PARP16: variants seen among roughly 807,000 people sequenced by gnomAD.
PARP16 encodes the protein poly(ADP-ribose) polymerase family member 16.
In PARP16, 31 loss-of-function variants were observed where a neutral mutation model predicts 35.0. The observed-to-expected ratio is 0.88, with a 90% confidence interval of 0.66 to 1.19. PARP16 has a LOEUF of 1.19. PARP16 is among the 50% of genes most tolerant of loss of function. PARP16 has a pLI of 0.00. For missense variants in PARP16, 424 were observed against 411.2 expected (o/e 1.03, Z -0.27); for synonymous variants, 162 against 169.5 (o/e 0.96, Z 0.34).
intron 2 of PARP16, among the ~76,000 whole-genome samples, chr15:65,251,752 G>GT (rs928535269): frequency 2.4e-4 from 36 of 149,074 alleles, no homozygotes; most frequent in African/African-American, 3.4e-4. Flanking sequence ...ACATGCCTAG[G>GT]TTTTTTTTTT....
intron 1 of PARP16, among the ~76,000 whole-genome samples, chr15:65,278,635 G>A (rs1415674532): frequency 6.6e-6 from 1 of 152,144 alleles, no homozygotes; most frequent in African/African-American, 2.4e-5. Context: ...ACAAGCTCCT[G>A]GGGAGGAGGT....
intron 1 of PARP16, among the ~76,000 whole-genome samples, chr15:65,279,090 A>AGGGTTCTCCTAGGAAGTAG (rs1269851117): frequency 6.6e-6 from 1 of 152,202 alleles, no homozygotes; most frequent in South Asian, 2.1e-4. Flanking sequence ...GGGACCCTAA[A>AGGGTTCTCCTAGGAAGTAG]GGGTTCTCCT....
intron 3 of PARP16, among the ~76,000 whole-genome samples, chr15:65,246,292 T>C (rs1435584611): frequency 6.6e-6 from 1 of 152,136 alleles, no homozygotes; most frequent in Non-Finnish European, 1.5e-5. Flanking sequence ...CCAGCAACCC[T>C]GGCTGAGAGG....
chr15:65,278,191 CTG>C (rs1051081760), intron 1 of PARP16, among the ~76,000 whole-genome samples: 25 of 152,194 alleles, frequency 1.6e-4, no homozygotes, highest in African/African-American at 5.3e-4. Flanking sequence ...GTTGTGAAGA[CTG>C]TGTTGAACTG....
chr15:65,282,275 C>T (rs937984329), intron 1 of PARP16, among the ~76,000 whole-genome samples: 22 of 152,324 alleles, frequency 1.4e-4, no homozygotes, highest in African/African-American at 5.1e-4. Flanking sequence ...TCCCAGAGGG[C>T]TGGGATTACA....
intron 2 of PARP16, among the ~76,000 whole-genome samples, chr15:65,251,084 A>C (rs546117421): frequency 1.3e-5 from 2 of 151,942 alleles, no homozygotes; most frequent in Non-Finnish European, 2.9e-5. Flanking sequence ...GGGTTTCACC[A>C]TGTTGGCCAG....
chr15:65,260,981 T>A lies in PARP16; in HGVS notation c.737A>T (p.Glu246Val). The change falls in exon 5 of 6, where the codon GAA becomes GTA. Residue 246 changes from glutamate to valine, a missense_variant. Glu to Val is a moderately radical substitution (Grantham distance 121). Transcript: ENST00000649807. ...GTACTTGGGAGGGATGTCTCCCCCT[T>A]CACTATGTTTGATTCTCGCTCGTCT... ...DRRRARIKHS[E>V]GGDIPPKYFV... 1 of 1,613,884 alleles carries A rather than the reference T, an allele frequency of 6.2e-7. No individual in the cohort carries two copies. The highest frequency in any genetic ancestry group is 8.5e-7 in the Non-Finnish European group (1 of 1,179,838).
chr15:65,253,975 A>G (rs1370552897), downstream of PARP16, among the ~76,000 whole-genome samples: 3 of 151,060 alleles, frequency 2.0e-5, no homozygotes, highest in South Asian at 2.1e-4. Context: ...ACACCACCAC[A>G]CCCGGCTAAT....
downstream of PARP16, among the ~76,000 whole-genome samples, chr15:65,232,065 C>G (rs981118199): frequency 6.6e-6 from 1 of 152,182 alleles, no homozygotes; most frequent in South Asian, 2.1e-4. Flanking sequence ...TAGACTACAC[C>G]GTCACCTACC....
intron 4 of PARP16, among the ~76,000 whole-genome samples, chr15:65,261,461 T>G (rs2089715047): frequency 6.7e-6 from 1 of 150,284 alleles, no homozygotes; most frequent in Non-Finnish European, 1.5e-5. Context: ...TTGTTTTTTT[T>G]TTGTTTTTTT....
intron 1 of PARP16, among the ~76,000 whole-genome samples, chr15:65,284,811 C>CTTTTTTT (rs35683940): frequency 5.5e-5 from 4 of 72,216 alleles, no homozygotes; most frequent in Admixed American, 2.0e-4. Flanking sequence ...AATCCAACGT[C>CTTTTTTT]TTTTTTTTTT....
intron 1 of PARP16, chr15:65,285,623 C>A: frequency 5.0e-6 from 1 of 198,396 alleles, no homozygotes; most frequent in Non-Finnish European, 1.1e-5. Flanking sequence ...CAGCTATTGG[C>A]GATTTCAATT....
At chr15:65,248,065 A>G in intron 3 of PARP16, 1 of 422,236 alleles carries the variant, frequency 2.4e-6, no homozygotes, top group Non-Finnish European at 4.8e-6. Flanking sequence ...CGGCCTCCCA[A>G]AGTGCTGGGA....
At chr15:65,246,116 T>G (rs1411097928) in intron 3 of PARP16, among the ~76,000 whole-genome samples, 2 of 152,112 alleles carry the variant, frequency 1.3e-5, no homozygotes, top group Non-Finnish European at 2.9e-5. Flanking sequence ...CCTGCTTCTC[T>G]CAGGGCCTCG....
chr15:65,259,276 T>C lies in PARP16; in HGVS notation c.*131A>G. On this transcript the variant is annotated 3_prime_UTR_variant, in exon 6 of 6. Coordinates refer to ENST00000649807, the MANE Select transcript of PARP16 (RefSeq NM_001316943.2). ...AAAGGCAATGGATACATTTAGGCCATATGAAAATTGTCCTGTGGTCCCCCA... is the reference window on the plus strand; with the variant it reads ...AAAGGCAATGGATACATTTAGGCCACATGAAAATTGTCCTGTGGTCCCCCA... The C allele has an allele frequency of 2.5e-6, 2 of 798,682 alleles. No individual in the cohort carries two copies. The highest frequency in any genetic ancestry group is 3.1e-5 in the South Asian group (2 of 63,506). 49.5% of individuals were successfully genotyped at this position (798,682 alleles called of 1,614,324 possible). A position where few individuals can be genotyped will look rare whatever the true frequency, so the allele number is the denominator to read the frequency against.
At chr15:65,245,356 G>T (rs1203740214) in intron 3 of PARP16, among the ~76,000 whole-genome samples, 1 of 152,222 alleles carries the variant, frequency 6.6e-6, no homozygotes, top group Non-Finnish European at 1.5e-5. Flanking sequence ...GCTCTCTGCA[G>T]GGGCAGAACA....
chr15:65,260,625 G>T (rs1286469295), intron 5 of PARP16, among the ~76,000 whole-genome samples: 3 of 152,170 alleles, frequency 2.0e-5, no homozygotes, highest in Non-Finnish European at 4.4e-5. Flanking sequence ...GTTTGCGGCA[G>T]CCAATTTGGA....
chr15:65,248,099 C>T (rs113977530), intron 3 of PARP16: 11,620 of 450,638 alleles, frequency 0.026, 511 homozygotes, highest in African/African-American at 0.13. Flanking sequence ...CCACCGCTCC[C>T]GGCCGGATTG....
chr15:65,285,230 C>T (rs1316424811), intron 1 of PARP16, among the ~76,000 whole-genome samples: 3 of 150,898 alleles, frequency 2.0e-5, no homozygotes, highest in Non-Finnish European at 4.4e-5. Context: ...GTCCGCCTCC[C>T]GGGTTCAAGC....
Sources: gnomAD v4.1 joint callset for allele counts (sites outside exome capture counted in the v4.1 genomes callset) on GRCh38, gnomAD v4.1.1 for gene constraint, MANE v1.5 for transcripts, NCBI Gene and HGNC (gene_info 2026-07-23, HGNC 2026-07-21) for gene names.